TCF7L2: variants seen among roughly 807,000 people sequenced by gnomAD.
The protein encoded by TCF7L2 is transcription factor 7 like 2.
TCF7L2 carries 23 observed loss-of-function variants against 77.9 expected under a neutral mutation model. The observed-to-expected ratio is 0.30, with a 90% CI of 0.21 to 0.42. The LOEUF (loss-of-function observed/expected upper bound fraction) is 0.42. Among genes scored for constraint, TCF7L2 ranks in the 10% least tolerant of loss-of-function variants. The probability of loss-of-function intolerance (pLI) is 1.00; values close to 1 mark genes in which losing one functional copy is unlikely to be tolerated. For missense variants in TCF7L2, 654 were observed against 793.1 expected (o/e 0.82, Z 2.11); for synonymous variants, 413 against 340.2 (o/e 1.21, Z -2.36).
chr10:113,082,561 T>G (rs1030464257), intron 5 of TCF7L2, among the ~76,000 whole-genome samples: 2 of 152,204 alleles, frequency 1.3e-5, no homozygotes, highest in Admixed American at 1.3e-4. Context: ...TTGGTCATGT[T>G]GAACTTTTAT....
At chr10:113,115,990 G>C (rs1266221535) in intron 5 of TCF7L2, among the ~76,000 whole-genome samples, 2 of 152,028 alleles carry the variant, frequency 1.3e-5, no homozygotes, top group African/African-American at 4.8e-5. Flanking sequence ...TAATATTATG[G>C]AATGATTTGA....
chr10:113,066,813 C>T (rs764291982), intron 5 of TCF7L2, among the ~76,000 whole-genome samples: 10 of 152,178 alleles, frequency 6.6e-5, no homozygotes, highest in South Asian at 2.1e-4. Context: ...GGAGAGTTGC[C>T]GGTATTGACA....
At chr10:112,994,897 C>T (rs1431421655) in intron 4 of TCF7L2, among the ~76,000 whole-genome samples, 1 of 152,026 alleles carries the variant, frequency 6.6e-6, no homozygotes, top group Non-Finnish European at 1.5e-5. Flanking sequence ...GTCAGGAGTT[C>T]CAGACCAGCC....
intron 4 of TCF7L2, among the ~76,000 whole-genome samples, chr10:113,025,301 C>A (rs1454306188): frequency 6.7e-6 from 1 of 148,782 alleles, no homozygotes; most frequent in Non-Finnish European, 1.5e-5. Context: ...GCAAGTGGCG[C>A]GTTCTTGGCT....
At chr10:113,071,927 G>A (rs942625967) in intron 5 of TCF7L2, among the ~76,000 whole-genome samples, 3 of 152,198 alleles carry the variant, frequency 2.0e-5, no homozygotes, top group African/African-American at 4.8e-5. Context: ...AATTGTGGGT[G>A]CACTCTGCTT....
intron 4 of TCF7L2, among the ~76,000 whole-genome samples, chr10:113,013,114 GTTTTTTTTTTTT>G (rs35964949): frequency 3.6e-5 from 4 of 109,916 alleles, no homozygotes; most frequent in Admixed American, 2.9e-4. Context: ...TAAGCAAGTG[GTTTTTTTTTTTT>G]TTTTTTTTTT....
rs35452927 is a variant in TCF7L2, at chr10:113,077,858, C to CTTATTTAT, written c.552+37774_552+37781dup. On this transcript the variant is annotated intron_variant, in intron 5 of 13. Coordinates refer to ENST00000627217, the MANE Select transcript of TCF7L2 (RefSeq NM_001146274.2). The stretch of plus-strand genomic sequence containing the variant: ...GGCCCATGCCACCACGCCTGGCTTG[C>CTTATTTAT]TTATTTATTTATTTATTTATTTATT... 2.3e-3 allele frequency among the ~76,000 whole-genome samples: 313 copies of CTTATTTAT among 133,884 alleles called. 2 individuals are homozygous for CTTATTTAT. The highest frequency in any genetic ancestry group is 2.8e-3 in the South Asian group (11 of 3,874). 87.8% of individuals were successfully genotyped at this position (133,884 alleles called of 152,430 possible). A position where few individuals can be genotyped will look rare whatever the true frequency, so the allele number is the denominator to read the frequency against.
intron 5 of TCF7L2, among the ~76,000 whole-genome samples, chr10:113,096,598 G>A (rs867275275): frequency 3.9e-5 from 6 of 152,006 alleles, no homozygotes; most frequent in East Asian, 1.9e-4. Flanking sequence ...TAGTTTGGTG[G>A]AAGCGCCATA....
intron 4 of TCF7L2, among the ~76,000 whole-genome samples, chr10:112,978,021 A>G (rs2039757686): frequency 6.6e-6 from 1 of 152,196 alleles, no homozygotes; most frequent in Admixed American, 6.5e-5. Flanking sequence ...TGAAACCCGT[A>G]TGGGCTCTGC....
At chr10:113,067,470 CT>C (rs1420649487) in intron 5 of TCF7L2, among the ~76,000 whole-genome samples, 1 of 152,156 alleles carries the variant, frequency 6.6e-6, no homozygotes, top group Non-Finnish European at 1.5e-5. Flanking sequence ...CTGTGTACCC[CT>C]CTTCCCCCAC....
intron 5 of TCF7L2, among the ~76,000 whole-genome samples, chr10:113,138,612 ATAT>A (rs1186143865): frequency 6.6e-6 from 1 of 152,194 alleles, no homozygotes; most frequent in Admixed American, 6.5e-5. Flanking sequence ...AATAAAAATA[ATAT>A]TAATAATAAA....
intron 5 of TCF7L2, among the ~76,000 whole-genome samples, chr10:113,118,520 GGTGTGT>G (rs34806588): frequency 2.9e-4 from 41 of 141,508 alleles, no homozygotes; most frequent in Non-Finnish European, 3.4e-4. Context: ...TCATCTGGGG[GGTGTGT>G]GTGTGTGTGT....
At position 112,965,649 on chromosome 10, in the gene TCF7L2, G is replaced by A. The variant is rs953110637; in HGVS notation, c.450+1025G>A. On this transcript the variant is annotated intron_variant, in intron 4 of 13. Transcript: ENST00000627217. The stretch of plus-strand genomic sequence containing the variant: ...TGTATATGTGTGTGTGTGTGTGTGT[G>A]TGTGTGTGTGTGTGTGTGTGTGTGT... Among the ~76,000 whole-genome samples, 8 of 151,366 alleles carry A rather than the reference G, an allele frequency of 5.3e-5. No individual in the cohort carries two copies. In the East Asian group the frequency reaches 5.9e-4, roughly 11 times the overall value.
chr10:113,101,265 T>G (rs1192831354), intron 5 of TCF7L2, among the ~76,000 whole-genome samples: 1 of 152,196 alleles, frequency 6.6e-6, no homozygotes, highest in Admixed American at 6.5e-5. Context: ...TCTCATAAGA[T>G]AGCTGGGCAC....
rs2060155988 is a variant in TCF7L2, at chr10:113,089,517, G to A, written c.552+49391G>A. 3 of 1,613,756 alleles carry A rather than the reference G, an allele frequency of 1.9e-6. No individual in the cohort carries two copies. In the South Asian group the frequency reaches 3.3e-5, roughly 18 times the overall value. ...GAAAAGGAGCCACTCCTTACAAAAAGTTGGGGAGCCCTGGTGTATTGAGGT... is the reference window on the plus strand; with the variant it reads ...GAAAAGGAGCCACTCCTTACAAAAAATTGGGGAGCCCTGGTGTATTGAGGT... On this transcript the variant is annotated intron_variant, in intron 5 of 13. Transcript: ENST00000627217.
intron 4 of TCF7L2, among the ~76,000 whole-genome samples, chr10:113,021,512 G>C (rs979653970): frequency 2.6e-5 from 4 of 152,182 alleles, no homozygotes; most frequent in African/African-American, 4.8e-5. Context: ...TTTCTTGAGC[G>C]CTTGCCATAT....
rs151057797 is a variant in TCF7L2 at position 113,110,314 on chromosome 10, T to C, written c.553-30870T>C. 5.9e-5 allele frequency among the ~76,000 whole-genome samples: 9 copies of C among 151,978 alleles called. No homozygotes were observed. The East Asian group carries it at 1.5e-3, about 26-fold the overall frequency. ...AAAAAAGTCAATTGTAGAAACTGTT[T>C]AAAGAATTTCCAATTCTAACATTTT... On this transcript the variant is annotated intron_variant, in intron 5 of 13. Transcript: ENST00000627217.
intron 5 of TCF7L2, among the ~76,000 whole-genome samples, chr10:113,055,789 A>C (rs1166356491): frequency 1.3e-5 from 2 of 152,206 alleles, no homozygotes; most frequent in Non-Finnish European, 2.9e-5. Flanking sequence ...TAATGCCCTC[A>C]AATTCATCTG....
At chr10:113,120,273 A>G (rs2136273893) in intron 5 of TCF7L2, among the ~76,000 whole-genome samples, 1 of 152,322 alleles carries the variant, frequency 6.6e-6, no homozygotes, top group Admixed American at 6.5e-5. Context: ...CAGGGACAGG[A>G]GGTCACAACT....
Sources: gnomAD v4.1 joint callset for allele counts (sites outside exome capture counted in the v4.1 genomes callset) on GRCh38, gnomAD v4.1.1 for gene constraint, MANE v1.5 for transcripts, NCBI Gene and HGNC (gene_info 2026-07-23, HGNC 2026-07-21) for gene names.